GALNT13: variants seen among roughly 807,000 people sequenced by gnomAD.
GALNT13 encodes polypeptide N-acetylgalactosaminyltransferase 13, also known as UDP-GalNAc:polypeptide N-acetylgalactosaminyltransferase 13.
GALNT13 carries 28 observed loss-of-function variants against 64.2 expected under a neutral mutation model. The observed-to-expected ratio is 0.44, with a 90% confidence interval of 0.32 to 0.60. GALNT13 has a LOEUF of 0.60. GALNT13 is among the 20% of genes least tolerant of loss of function. The pLI is 0.05. For missense variants in GALNT13, 577 were observed against 669.8 expected, an observed-to-expected ratio of 0.86 and a Z score of 1.53; for synonymous variants, 214 against 224.6, an observed-to-expected ratio of 0.95 and a Z score of 0.42.
chr2:153,369,033 A>G, the GALNT13 span, among the ~76,000 whole-genome samples: 1 of 152,160 alleles, frequency 6.6e-6, no homozygotes, highest in Non-Finnish European at 1.5e-5. Context: ...TGGAAAATCC[A>G]TAAATATTTG....
At chr2:154,242,987 C>T (rs1689580085) in intron 6 of GALNT13, 82 bp downstream of exon 6, 1 of 1,140,898 alleles carries the variant, frequency 8.8e-7, no homozygotes, top group Non-Finnish European at 1.3e-6. Context: ...AATTTCTCTT[C>T]CAAGTTGCTA....
intron 4 of GALNT13, among the ~76,000 whole-genome samples, chr2:154,238,816 C>T (rs1314130202): frequency 6.6e-6 from 1 of 151,950 alleles, no homozygotes; most frequent in African/African-American, 2.4e-5. Flanking sequence ...TCTGCCAGCT[C>T]ACATCTTTAT....
the GALNT13 span, among the ~76,000 whole-genome samples, chr2:153,530,847 C>A: frequency 6.6e-6 from 1 of 151,992 alleles, no homozygotes; most frequent in Non-Finnish European, 1.5e-5. Flanking sequence ...TGCAGAAGAA[C>A]AAAACTGGAA....
At chr2:153,722,724 G>T in the GALNT13 span, among the ~76,000 whole-genome samples, 92 of 152,300 alleles carry the variant, frequency 6.0e-4, no homozygotes, top group African/African-American at 2.0e-3. Flanking sequence ...TACATTCCTT[G>T]ACACATACAC....
intron 1 of GALNT13, among the ~76,000 whole-genome samples, chr2:153,882,153 G>C (rs1686827654): frequency 6.6e-6 from 1 of 151,128 alleles, no homozygotes; most frequent in Non-Finnish European, 1.5e-5. Context: ...AGTAAAGGAA[G>C]GCAAAGGAAA....
At chr2:153,733,658 T>C in the GALNT13 span, among the ~76,000 whole-genome samples, 6 of 152,158 alleles carry the variant, frequency 3.9e-5, no homozygotes, top group Non-Finnish European at 2.9e-5. Context: ...TAAAGTGGCT[T>C]CCTCTCCGTG....
intron 3 of GALNT13, among the ~76,000 whole-genome samples, chr2:154,016,082 A>T (rs998535940): frequency 6.6e-6 from 1 of 152,208 alleles, no homozygotes; most frequent in South Asian, 2.1e-4. Flanking sequence ...CACTTTGGAC[A>T]AATATCTGAC....
At chr2:153,443,880 G>A in the GALNT13 span, among the ~76,000 whole-genome samples, 1 of 152,010 alleles carries the variant, frequency 6.6e-6, no homozygotes, top group African/African-American at 2.4e-5. Context: ...CTGAGATCAT[G>A]CCATTGCACT....
the GALNT13 span, among the ~76,000 whole-genome samples, chr2:153,280,890 G>A: frequency 6.6e-6 from 1 of 152,178 alleles, no homozygotes; most frequent in Non-Finnish European, 1.5e-5. Context: ...AATTGGTCAT[G>A]CGTGAAGTTT....
the GALNT13 span, among the ~76,000 whole-genome samples, chr2:153,381,771 A>G: frequency 2.0e-5 from 3 of 152,106 alleles, no homozygotes; most frequent in East Asian, 3.9e-4. Flanking sequence ...TTAGAAATTG[A>G]CATTTGATTA....
At chr2:153,322,535 G>T in the GALNT13 span, among the ~76,000 whole-genome samples, 19 of 152,020 alleles carry the variant, frequency 1.2e-4, no homozygotes, top group Admixed American at 1.2e-3. Flanking sequence ...TAAGTTCTGG[G>T]ATATATGTGC....
the GALNT13 span, among the ~76,000 whole-genome samples, chr2:153,433,002 A>G: frequency 6.6e-6 from 1 of 151,926 alleles, no homozygotes; most frequent in African/African-American, 2.4e-5. Context: ...ACGTGCACAC[A>G]CACACAGGCA....
At chr2:153,213,945 T>G in the GALNT13 span, among the ~76,000 whole-genome samples, 1 of 152,148 alleles carries the variant, frequency 6.6e-6, no homozygotes, top group South Asian at 2.1e-4. Context: ...ATAACTCAGC[T>G]TGTCTTTCAA....
chr2:153,482,437 C>A, the GALNT13 span, among the ~76,000 whole-genome samples: 1 of 152,102 alleles, frequency 6.6e-6, no homozygotes, highest in Non-Finnish European at 1.5e-5. Flanking sequence ...GTTGTCTTTA[C>A]TTACAACCAT....
chr2:154,174,432 G>C (rs1158921455), intron 4 of GALNT13, among the ~76,000 whole-genome samples: 2 of 152,050 alleles, frequency 1.3e-5, no homozygotes, highest in Non-Finnish European at 2.9e-5. Flanking sequence ...GGTGTACAGG[G>C]TAATATTAAA....
the GALNT13 span, among the ~76,000 whole-genome samples, chr2:153,403,501 G>C: frequency 3.3e-5 from 5 of 152,214 alleles, no homozygotes; most frequent in African/African-American, 9.6e-5. Context: ...TCAAGCCTGG[G>C]CAAAGGCGGG....
chr2:154,354,107 G>A (rs1490035871), intron 9 of GALNT13, among the ~76,000 whole-genome samples: 3 of 152,022 alleles, frequency 2.0e-5, no homozygotes, highest in Non-Finnish European at 4.4e-5. Flanking sequence ...CATATTAATG[G>A]GTGTGAGGTG....
At chr2:154,317,900 C>T (rs549979244) in intron 9 of GALNT13, among the ~76,000 whole-genome samples, 1 of 151,168 alleles carries the variant, frequency 6.6e-6, no homozygotes, top group Admixed American at 6.6e-5. Context: ...GACATAGACT[C>T]TTATTCATCC....
At position 154,450,658 on chromosome 2, in the gene GALNT13, T is replaced by C; in HGVS notation, c.*107T>C. ...GAATTGAAAGTTTTAAAAATCCTTT[T>C]AGTATTCTAAAACACAATTGTTTCT... is the stretch of plus-strand genomic sequence containing the variant. On this transcript the variant is annotated 3_prime_UTR_variant, in exon 13 of 13. Coordinates refer to ENST00000392825, the MANE Select transcript of GALNT13 (RefSeq NM_052917.4). 9.4e-7 allele frequency: 1 copy of C among 1,063,518 alleles called. No homozygotes were observed. The highest frequency in any genetic ancestry group is 1.3e-6 in the Non-Finnish European group (1 of 763,430). The allele number at this position is 1,063,518 out of a possible 1,614,324, so 65.9% of individuals were successfully genotyped here. A position where few individuals can be genotyped will look rare whatever the true frequency, so the allele number is the denominator to read the frequency against.
Sources: gnomAD v4.1 joint callset for allele counts (sites outside exome capture counted in the v4.1 genomes callset) on GRCh38, gnomAD v4.1.1 for gene constraint, MANE v1.5 for transcripts, NCBI Gene and HGNC (gene_info 2026-07-23, HGNC 2026-07-21) for gene names.